EPSTI1: variants seen among roughly 807,000 people sequenced by gnomAD.
EPSTI1 encodes epithelial-stromal interaction protein 1.
EPSTI1 carries 66 observed loss-of-function variants against 49.9 expected under a neutral mutation model. The ratio of observed to expected loss-of-function variants is 1.32; its 90% CI spans 1.08 to 1.62. EPSTI1 has a LOEUF of 1.62. Ranked by LOEUF, EPSTI1 falls within the 40% of genes most tolerant of loss-of-function variation. EPSTI1 has a pLI of 0.00. For synonymous variants in EPSTI1, 137 were observed against 130.7 expected (o/e 1.05, Z -0.33); for missense variants, 394 against 365.5 (o/e 1.08, Z -0.64).
Position 42,963,286 on chromosome 13 carries a change from A to G in EPSTI1, c.458T>C (p.Leu153Pro). Residue 153 changes from leucine (L) to proline (P), a missense_variant, in exon 5 of 11, where the codon CTC becomes CCC. Physicochemically the swap from Leu to Pro is moderately conservative, Grantham distance 98 (BLOSUM62 -3). Coordinates refer to ENST00000313624, the MANE Select transcript of EPSTI1 (RefSeq NM_033255.5). Reference sequence around the variant, plus strand: ...TCTCTGAATTGCCTTCATTTTTTGGAGTTCAGCTTCTTCAGCTTCCTTCTT... The same window carrying G: ...TCTCTGAATTGCCTTCATTTTTTGGGGTTCAGCTTCTTCAGCTTCCTTCTT... ...RIKKEAEEAE[L>P]QKMKAIQREK... 3.7e-6 allele frequency: 6 copies of G among 1,613,462 alleles called. No homozygotes were observed. The highest frequency in any genetic ancestry group is 5.1e-6 in the Non-Finnish European group (6 of 1,179,794).
At chr13:42,921,952 TCA>T (rs1285388270) in intron 7 of EPSTI1, among the ~76,000 whole-genome samples, 1 of 151,956 alleles carries the variant, frequency 6.6e-6, no homozygotes, top group Non-Finnish European at 1.5e-5. Flanking sequence ...TGTAGAACAG[TCA>T]CAAAAGCTGT....
intron 6 of EPSTI1, among the ~76,000 whole-genome samples, chr13:42,952,384 A>C (rs1310236691): frequency 6.6e-6 from 1 of 152,188 alleles, no homozygotes; most frequent in African/African-American, 2.4e-5. Flanking sequence ...AGCCCACCAG[A>C]AGGAACCAAC....
intron 1 of EPSTI1, among the ~76,000 whole-genome samples, chr13:42,981,060 C>T (rs1364641202): frequency 6.6e-6 from 1 of 151,982 alleles, no homozygotes; most frequent in African/African-American, 2.4e-5. Flanking sequence ...TGATGGTAAA[C>T]ATCTTCAGTT....
At chr13:42,953,185 A>G (rs1158294392) in intron 6 of EPSTI1, among the ~76,000 whole-genome samples, 3 of 151,352 alleles carry the variant, frequency 2.0e-5, no homozygotes, top group Non-Finnish European at 4.4e-5. Context: ...AGGCACTTTT[A>G]TGTCATTTAC....
rs191324769 is a variant in EPSTI1 at position 42,986,434 on chromosome 13, C to A, written c.188+5544G>T. ...CTGGTAGCTAGAAAAACCAGCTATG[C>A]GATTGGGGGGTTAAAACTTTCAACC... On this transcript the variant is annotated intron_variant, in intron 1 of 10. Transcript: ENST00000313624. Among the ~76,000 whole-genome samples, 23 of 152,124 alleles carry A rather than the reference C, an allele frequency of 1.5e-4. 1 individual carries two copies. Among genetic ancestry groups the A allele is most frequent in the Admixed American group, 4.6e-4 (7 of 15,290 alleles).
intron 8 of EPSTI1, among the ~76,000 whole-genome samples, chr13:42,908,811 A>T (rs990410571): frequency 6.6e-6 from 1 of 152,028 alleles, no homozygotes; most frequent in African/African-American, 2.4e-5. Context: ...GGCCAGGCGC[A>T]GTGGCTCATG....
intron 5 of EPSTI1, among the ~76,000 whole-genome samples, chr13:42,960,601 A>T (rs1004664213): frequency 6.6e-5 from 10 of 152,338 alleles, no homozygotes; most frequent in Middle Eastern, 6.8e-3. Flanking sequence ...AGCTTAAAAC[A>T]ATACAAATTT....
chr13:42,978,202 A>G (rs1282820996), intron 1 of EPSTI1, among the ~76,000 whole-genome samples: 1 of 152,034 alleles, frequency 6.6e-6, no homozygotes, highest in Non-Finnish European at 1.5e-5. Context: ...CGCACCCATG[A>G]CACAGCTTCA....
chr13:42,889,663 T>A (rs2036971283), intron 10 of EPSTI1, among the ~76,000 whole-genome samples: 1 of 152,246 alleles, frequency 6.6e-6, no homozygotes, highest in Non-Finnish European at 1.5e-5. Flanking sequence ...TTGCTAATTC[T>A]ATATATTAAT....
intron 7 of EPSTI1, among the ~76,000 whole-genome samples, chr13:42,923,802 G>C (rs2038090976): frequency 6.6e-6 from 1 of 152,126 alleles, no homozygotes; most frequent in African/African-American, 2.4e-5. Context: ...GATTTTTCTT[G>C]TAATCTTTTA....
At chr13:42,931,862 T>A (rs559515367) in intron 6 of EPSTI1, among the ~76,000 whole-genome samples, 1 of 152,212 alleles carries the variant, frequency 6.6e-6, no homozygotes, top group South Asian at 2.1e-4. Context: ...GTGAGCATCC[T>A]GGTATATACA....
intron 8 of EPSTI1, among the ~76,000 whole-genome samples, chr13:42,907,832 C>T (rs192131359): frequency 6.6e-6 from 1 of 152,304 alleles, no homozygotes; most frequent in East Asian, 1.9e-4. Context: ...CATTCGGGAA[C>T]ATTAGCCATC....
At chr13:42,909,908 A>T (rs1475215098) in intron 8 of EPSTI1, among the ~76,000 whole-genome samples, 1 of 152,144 alleles carries the variant, frequency 6.6e-6, no homozygotes, top group African/African-American at 2.4e-5. Flanking sequence ...GACAATAAAT[A>T]ATGATCATTT....
At chr13:42,987,950 C>T (rs187425304) in intron 1 of EPSTI1, among the ~76,000 whole-genome samples, 261 of 152,144 alleles carry the variant, frequency 1.7e-3, no homozygotes, top group Admixed American at 5.4e-3. Context: ...AATACTAATA[C>T]GAAGTAGGCC....
Position 42,953,955 on chromosome 13 carries a change from G to A in EPSTI1, c.556C>T (p.Gln186Ter), listed in dbSNP as rs756240537. Residue 186 changes from glutamine (Q) to a stop codon, truncating the protein, a stop_gained, in exon 6 of 11, where the codon CAG becomes TAG. Transcript: ENST00000313624. LOFTEE classifies it high-confidence loss of function. ...CTGAAAACATTAACTTACTATTGCT[G>A]ATGCTCTCTAAATGCTTCTCTTCTA... is the stretch of plus-strand genomic sequence containing the variant. ...NLRREAFREH[Q>*]QYKTAEFLSK... 6.2e-7 allele frequency: 1 copy of A among 1,612,326 alleles called. No individual in the cohort carries two copies. The highest frequency in any genetic ancestry group is 1.3e-5 in the African/African-American group (1 of 74,958).
At chr13:42,915,287 T>G (rs1369288575) in intron 8 of EPSTI1, among the ~76,000 whole-genome samples, 1 of 152,180 alleles carries the variant, frequency 6.6e-6, no homozygotes, top group Non-Finnish European at 1.5e-5. Flanking sequence ...ATCCCAGCAC[T>G]TTGGGAGGCC....
chr13:42,908,928 C>CAAAA lies in EPSTI1; in HGVS notation c.742-8549_742-8546dup, dbSNP rs60335271. On this transcript the variant is annotated intron_variant, in intron 8 of 10. Transcript: ENST00000313624. ...TGAAACCCTGTCTCGACTAAAAATA[C>CAAAA]AAAAAAAAAAAAAAAATAGCTGGGT... is the stretch of plus-strand genomic sequence containing the variant. Among the ~76,000 whole-genome samples, 6 of 133,396 alleles carry CAAAA rather than the reference C, an allele frequency of 4.5e-5. No individual in the cohort carries two copies. The East Asian group carries it at 1.3e-3, about 29-fold the overall frequency. 87.5% of individuals were successfully genotyped at this position (133,396 alleles called of 152,430 possible). A position where few individuals can be genotyped will look rare whatever the true frequency, so the allele number is the denominator to read the frequency against.
At chr13:42,989,032 ATTTTT>A (rs74772535) in intron 1 of EPSTI1, among the ~76,000 whole-genome samples, 14 of 96,134 alleles carry the variant, frequency 1.5e-4, no homozygotes, top group South Asian at 7.8e-4. Flanking sequence ...GATAATTTAA[ATTTTT>A]TTTTTTTTTT....
At chr13:42,955,577 G>A (rs1050469800) in intron 5 of EPSTI1, among the ~76,000 whole-genome samples, 22 of 152,206 alleles carry the variant, frequency 1.4e-4, no homozygotes, top group East Asian at 5.8e-4. Context: ...CGAGGCGGGC[G>A]GATCATCTGA....
Sources: allele counts gnomAD v4.1 joint callset (sites outside exome capture counted in the v4.1 genomes callset), GRCh38; gene constraint gnomAD v4.1.1; transcripts MANE v1.5; gene names NCBI Gene and HGNC (gene_info 2026-07-23, HGNC 2026-07-21).